Variants in MUC5B observed in about 807,000 individuals in gnomAD.
MUC5B encodes mucin-5B.
In MUC5B, 116 loss-of-function variants were observed where a neutral mutation model predicts 376.9. The observed-to-expected ratio is 0.31, with a 90% CI of 0.26 to 0.36. The LOEUF (loss-of-function observed/expected upper bound fraction) is 0.36. MUC5B is among the 10% of genes least tolerant of loss of function. MUC5B has a pLI of 1.00. For synonymous variants in MUC5B, 3,517 were observed against 3,390.9 expected (o/e 1.04, Z -1.29); for missense variants, 7,165 against 7,769.9 (o/e 0.92, Z 2.93).
chr11:1,240,413 C>G (rs552305365), intron 30 of MUC5B, 38 bp downstream of exon 30: 1 of 1,532,296 alleles, frequency 6.5e-7, no homozygotes, highest in South Asian at 1.2e-5. Context: ...CCAGTACCGT[C>G]TGGGTGACAA....
Position 1,258,913 on chromosome 11 carries a change from C to T in MUC5B, c.16594-29C>T, listed in dbSNP as rs1471461470. 1 of 1,549,726 alleles carries T rather than the reference C, an allele frequency of 6.5e-7. No individual in the cohort carries two copies. The highest frequency in any genetic ancestry group is 1.2e-5 in the South Asian group (1 of 84,030). On this transcript the variant is annotated intron_variant, in intron 43 of 48. Transcript: ENST00000529681. The surrounding 1 kb of genome is among the most constrained non-coding windows in gnomAD (Gnocchi z 5.5). ...CCTGGCCCTGTTGCCCCACCAGTGC[C>T]CTCAGTGCCACCCTCCCACCCCTTG... is the stretch of plus-strand genomic sequence containing the variant.
In MUC5B at chr11:1,257,254, G is replaced by A. The variant is rs751297907; in HGVS notation, c.16252G>A (p.Asp5418Asn). The change falls in exon 40 of 49, where the codon GAT becomes AAT. Residue 5418 changes from aspartate (D) to asparagine (N), a missense_variant. Physicochemically the swap from Asp to Asn is conservative, Grantham distance 23. Transcript: ENST00000529681. The surrounding 1 kb of genome is among the most constrained non-coding windows in gnomAD (Gnocchi z 8.9). The part of the protein sequence containing the change: ...CVQACPCVGP[D>N]GFPKFPGERW... The stretch of plus-strand genomic sequence containing the variant: ...TTTCTTTCCAGCCTGCGTGGGACCC[G>A]ATGGGTTTCCTAAATTTGTGAGTGG... 5.1e-5 allele frequency: 40 copies of A among 779,872 alleles called. 3 individuals are homozygous for A. Among genetic ancestry groups the A allele is most frequent in the South Asian group, 4.8e-4 (36 of 74,642 alleles). The allele number at this position is 779,872 out of a possible 1,614,324, so 48.3% of individuals were successfully genotyped here.
rs1483847778 is a variant in MUC5B, at chr11:1,258,952, C to T, written c.16604C>T (p.Thr5535Ile). 6.4e-7 allele frequency: 1 copy of T among 1,551,496 alleles called. No homozygotes were observed. Among genetic ancestry groups the T allele is most frequent in the East Asian group, 2.4e-5 (1 of 40,992 alleles). ...TCCCACCCCTTGCAGGTTGGTGCAA[C>T]CTTCCCAGGCGCCCTTCCCTGCCAC... ...YNGTFYGVGA[T>I]FPGALPCHMC... The change falls in exon 44 of 49, where the codon ACC (threonine) becomes ATC (isoleucine). Residue 5535 changes from threonine (T) to isoleucine (I), a missense_variant. Transcript: ENST00000529681. The surrounding 1 kb of genome is among the most constrained non-coding windows in gnomAD (Gnocchi z 5.5).
At chr11:1,254,441 C>T in intron 34 of MUC5B, 90 bp downstream of exon 34, 1 of 1,519,106 alleles carries the variant, frequency 6.6e-7, no homozygotes, top group Non-Finnish European at 8.8e-7. Flanking sequence ...CCAGGTGCCG[C>T]AGCGATGGCC....
Position 1,230,582 on chromosome 11 carries a change from C to A in MUC5B, c.1452C>A (p.Ser484Arg), listed in dbSNP as rs749968181. 1 of 1,609,602 alleles carries A rather than the reference C, an allele frequency of 6.2e-7. No individual in the cohort carries two copies. The highest frequency in any genetic ancestry group is 8.5e-7 in the Non-Finnish European group (1 of 1,178,178). The stretch of plus-strand genomic sequence containing the variant: ...ACTGCCTGAAAGCGGTGACGCTCAG[C>A]CTGGACGGCGGGGACACGGTGAGGA... ...NENCLKAVTL[S>R]LDGGDTAIRV... is the part of the protein sequence containing the mutation. Residue 484 changes from serine to arginine, a missense_variant, in exon 12 of 49, where the codon AGC (serine) becomes AGA (arginine). Around this residue, in one of 31 missense-constraint regions of MUC5B, gnomAD observed 640 missense variants for 733.0 expected, o/e 0.87. Coordinates refer to ENST00000529681, the MANE Select transcript of MUC5B (RefSeq NM_002458.3).
chr11:1,236,017 G>A (rs2133817421), intron 23 of MUC5B, among the ~76,000 whole-genome samples: 1 of 152,344 alleles, frequency 6.6e-6, no homozygotes, highest in African/African-American at 2.4e-5. Context: ...CAGCGCCGCT[G>A]GCCGGGATGC....
chr11:1,236,092 G>C (rs983631980), intron 23 of MUC5B, among the ~76,000 whole-genome samples: 5 of 152,216 alleles, frequency 3.3e-5, no homozygotes, highest in Non-Finnish European at 5.9e-5. Context: ...GTGAGGGCGT[G>C]GGGGCTGCAG....
Position 1,248,294 on chromosome 11 carries a change from C to T in MUC5B, c.11414C>T (p.Thr3805Ile). ...ATCCCCTCCTCCTCCCTGGGCACCA[C>T]CTGGACCCGCCTATCACAGACCACC... ...TAIPSSSLGTTWTRLSQTTTP... is the reference protein window; with the variant it reads ...TAIPSSSLGTIWTRLSQTTTP... Residue 3805 changes from threonine to isoleucine, a missense_variant, in exon 31 of 49, where the codon ACC (threonine) becomes ATC (isoleucine). This residue lies in a region of MUC5B where 72 missense variants were observed against 127.8 expected (regional missense o/e 0.56). Coordinates refer to ENST00000529681, the MANE Select transcript of MUC5B (RefSeq NM_002458.3). 1 of 1,573,278 alleles carries T rather than the reference C, an allele frequency of 6.4e-7. No individual in the cohort carries two copies. Among genetic ancestry groups the T allele is most frequent in the Non-Finnish European group, 8.7e-7 (1 of 1,148,768 alleles).
At chr11:1,239,677 G>A (rs1862234534) in intron 27 of MUC5B, 111 bp downstream of exon 27, 2 of 1,496,794 alleles carry the variant, frequency 1.3e-6, no homozygotes, top group African/African-American at 2.8e-5. Flanking sequence ...ACTGCACAAT[G>A]CAAGCCTTGA....
chr11:1,232,543 C>G lies in MUC5B; in HGVS notation c.1937C>G (p.Ser646Trp). 1.2e-6 allele frequency: 2 copies of G among 1,609,648 alleles called. No individual in the cohort carries two copies. Among genetic ancestry groups the G allele is most frequent in the Non-Finnish European group, 1.7e-6 (2 of 1,178,568 alleles). ...ATCATCAACCCCAAGCCCTTCCACT[C>G]GGTGAGAGGCTGAGGCCAGACCCCC... ...HSIINPKPFH[S>W]NCMFDTCNCE... Residue 646 changes from serine to tryptophan, a missense_variant and splice_region_variant, in exon 16 of 49, where the codon TCG becomes TGG. Ser to Trp is a radical substitution (Grantham distance 177). Around this residue, in one of 31 missense-constraint regions of MUC5B, gnomAD observed 530 missense variants for 604.0 expected, o/e 0.88. Transcript: ENST00000529681.
chr11:1,242,116 G>A lies in MUC5B; in HGVS notation c.5236G>A (p.Ala1746Thr), dbSNP rs56228751. ...CAAAGAGCCGCTGACCACGAGCCTG[G>A]CGCCAACACTCACGAGCGAGCTGTC... ...ASKEPLTTSLAPTLTSELSTS... is the reference protein window; with the variant it reads ...ASKEPLTTSLTPTLTSELSTS... Residue 1746 changes from alanine (A) to threonine (T), a missense_variant, in exon 31 of 49, where the codon GCG (alanine) becomes ACG (threonine). Around this residue, in one of 31 missense-constraint regions of MUC5B, gnomAD observed 897 missense variants for 779.6 expected, o/e 1.15. Transcript: ENST00000529681. 3.1e-6 allele frequency: 5 copies of A among 1,613,428 alleles called. No homozygotes were observed. The highest frequency in any genetic ancestry group is 2.2e-5 in the South Asian group (2 of 91,058).
At position 1,236,554 on chromosome 11, in the gene MUC5B, G is replaced by A; in HGVS notation, c.3049G>A (p.Asp1017Asn). 1 of 1,612,600 alleles carries A rather than the reference G, an allele frequency of 6.2e-7. No individual in the cohort carries two copies. The highest frequency in any genetic ancestry group is 8.5e-7 in the Non-Finnish European group (1 of 1,179,720). The change falls in exon 24 of 49, where the codon GAC becomes AAC. Residue 1017 changes from aspartate to asparagine, a missense_variant. This residue lies in a region of MUC5B where 530 missense variants were observed against 604.0 expected (regional missense o/e 0.88). Coordinates refer to ENST00000529681, the MANE Select transcript of MUC5B (RefSeq NM_002458.3). ...CAGCGTGTTCATCCGACTGCACCAG[G>A]ACTACAAGGTGAGCTCGGGCCGTGC... ...KTSVFIRLHQ[D>N]YKGRVCGLCG...
intron 25 of MUC5B, among the ~76,000 whole-genome samples, 187 bp from the exon 26 acceptor site, chr11:1,238,684 G>A (rs1862207431): frequency 6.6e-6 from 1 of 152,182 alleles, no homozygotes; most frequent in Non-Finnish European, 1.5e-5. Context: ...GCACAGGTGG[G>A]CTGGAGAAGT....
rs2133833158 is a variant in MUC5B, at chr11:1,246,297, C to A, written c.9417C>A (p.Thr3139=). 2 of 1,601,290 alleles carry A rather than the reference C, an allele frequency of 1.2e-6. No homozygotes were observed. Among genetic ancestry groups the A allele is most frequent in the Middle Eastern group, 3.3e-4 (2 of 6,028 alleles). The change falls in exon 31 of 49, where the codon ACC becomes ACA. Residue 3139 remains threonine (T), a synonymous_variant. Transcript: ENST00000529681. ...CGACCTGGATCCTCACAGAGCTGAC[C>A]ACAGCAGCCACTACAACTGCAGCCA... is the stretch of plus-strand genomic sequence containing the variant. ...PGTTWILTEL[T]TAATTTAATG...
chr11:1,248,693 C>T lies in MUC5B; in HGVS notation c.11813C>T (p.Thr3938Ile). Residue 3938 changes from threonine to isoleucine, a missense_variant, in exon 31 of 49, where the codon ACA (threonine) becomes ATA (isoleucine). Transcript: ENST00000529681. ...TGSMATPSSS[T>I]QTSGTPPSLI... Reference sequence around the variant, plus strand: ...TCTATGGCAACACCCTCCTCTAGCACACAGACCAGTGGTACTCCCCCATCA... The same window carrying T: ...TCTATGGCAACACCCTCCTCTAGCATACAGACCAGTGGTACTCCCCCATCA... The T allele has an allele frequency of 6.3e-7, 1 of 1,579,882 alleles. No individual in the cohort carries two copies. Among genetic ancestry groups the T allele is most frequent in the East Asian group, 2.4e-5 (1 of 42,176 alleles).
At position 1,235,320 on chromosome 11, in the gene MUC5B, C is replaced by A; in HGVS notation, c.2787C>A (p.Asn929Lys). ...TGGCCCAGGACTACTGTGGGGACAA[C>A]ACCACCCACGGGACCTTCCGCATCG... ...YILAQDYCGDNTTHGTFRIVT... is the reference protein window; with the variant it reads ...YILAQDYCGDKTTHGTFRIVT... The change falls in exon 23 of 49, where the codon AAC (asparagine) becomes AAA (lysine). Residue 929 changes from asparagine (N) to lysine (K), a missense_variant. Coordinates refer to ENST00000529681, the MANE Select transcript of MUC5B (RefSeq NM_002458.3). 2 of 1,612,952 alleles carry A rather than the reference C, an allele frequency of 1.2e-6. No individual in the cohort carries two copies. Among genetic ancestry groups the A allele is most frequent in the Non-Finnish European group, 1.7e-6 (2 of 1,179,698 alleles).
chr11:1,238,202 C>A (rs1862197055), intron 25 of MUC5B, among the ~76,000 whole-genome samples: 3 of 152,196 alleles, frequency 2.0e-5, no homozygotes, highest in Admixed American at 6.5e-5. Flanking sequence ...CAGCTCCCCG[C>A]GTGGCTGGTC....
intron 3 of MUC5B, 22 bp downstream of exon 3, chr11:1,226,298 C>T (rs1453455617): frequency 6.5e-7 from 1 of 1,549,968 alleles, no homozygotes; most frequent in East Asian, 2.4e-5. Flanking sequence ...CTGCCCCTGC[C>T]AGCCGGGAAG....
At chr11:1,227,272 G>C in intron 5 of MUC5B, 36 bp from the exon 6 acceptor site, 1 of 1,586,832 alleles carries the variant, frequency 6.3e-7, no homozygotes, top group Non-Finnish European at 8.6e-7. Context: ...GGGGATCAGA[G>C]GTCCTGAGGC....
Sources: allele counts gnomAD v4.1 joint callset (sites outside exome capture counted in the v4.1 genomes callset), GRCh38; gene constraint gnomAD v4.1.1; regional missense constraint gnomAD v4.1.1; non-coding constraint Gnocchi (gnomAD v3.1); transcripts MANE v1.5; gene names NCBI Gene and HGNC (gene_info 2026-07-23, HGNC 2026-07-21).